The following EPHB2 variants were observed in gnomAD, a reference collection of about 807,000 sequenced individuals.
The protein encoded by EPHB2 is ephrin type-B receptor 2.
EPHB2 carries 18 observed loss-of-function variants against 96.4 expected under a neutral mutation model. The ratio of observed to expected loss-of-function variants is 0.19; its 90% CI spans 0.13 to 0.28. The LOEUF (loss-of-function observed/expected upper bound fraction) is 0.28. EPHB2 is among the 10% of genes least tolerant of loss of function. The pLI, the probability that EPHB2 is intolerant of heterozygous loss-of-function variation, is 1.00. For missense variants in EPHB2, 989 were observed against 1,355.4 expected (o/e 0.73, Z 4.25); for synonymous variants, 506 against 534.1 (o/e 0.95, Z 0.72).
intron 6 of EPHB2, among the ~76,000 whole-genome samples, chr1:22,887,954 C>CA (rs1639277376): frequency 6.6e-6 from 1 of 152,178 alleles, no homozygotes; most frequent in South Asian, 2.1e-4. Flanking sequence ...TTTGTCCACT[C>CA]ATTCATTCAC....
intron 5 of EPHB2, among the ~76,000 whole-genome samples, chr1:22,878,872 C>A (rs1034510807): frequency 6.6e-6 from 1 of 152,242 alleles, no homozygotes; most frequent in African/African-American, 2.4e-5. Flanking sequence ...CACCTGGCAG[C>A]AGCGCAATCC....
At chr1:22,797,001 C>T (rs1213692205) in intron 3 of EPHB2, among the ~76,000 whole-genome samples, 2 of 152,200 alleles carry the variant, frequency 1.3e-5, no homozygotes, top group Non-Finnish European at 2.9e-5. Context: ...ATCATTAGTA[C>T]ATTTTTTTCA....
intron 1 of EPHB2, among the ~76,000 whole-genome samples, chr1:22,740,593 C>T (rs1304121373): frequency 6.6e-6 from 1 of 152,216 alleles, no homozygotes; most frequent in Non-Finnish European, 1.5e-5. Context: ...CTGGGGGACA[C>T]CATGCCAGGC....
intron 1 of EPHB2, among the ~76,000 whole-genome samples, chr1:22,717,587 A>C (rs2148333449): frequency 6.6e-6 from 1 of 152,322 alleles, no homozygotes; most frequent in East Asian, 1.9e-4. Flanking sequence ...AAACTGGAGA[A>C]TACCGCGCAT....
chr1:22,756,033 T>A (rs1239522977), intron 1 of EPHB2, among the ~76,000 whole-genome samples: 1 of 152,056 alleles, frequency 6.6e-6, no homozygotes, highest in Non-Finnish European at 1.5e-5. Context: ...CACGCAGATG[T>A]TCACTACATG....
intron 3 of EPHB2, among the ~76,000 whole-genome samples, chr1:22,803,146 G>A (rs942309867): frequency 3.9e-5 from 6 of 152,130 alleles, no homozygotes; most frequent in Non-Finnish European, 8.8e-5. Flanking sequence ...GGTAGTTGTG[G>A]GGCTTCTAGG....
rs901058869 is a variant in EPHB2 at position 22,858,850 on chromosome 1, G to A, written c.812-4187G>A. ...TTCCTCAAATGTCAACTAAGGGGGT[G>A]GGGCTCGATCCCCTTCCAGCCCCTC... On this transcript the variant is annotated intron_variant, in intron 3 of 15. Coordinates refer to ENST00000374630, the MANE Select transcript of EPHB2 (RefSeq NM_017449.5). This position sits in a 1 kb window ranked among gnomAD's most constrained non-coding sequence, Gnocchi z 7.7. Among the ~76,000 whole-genome samples, 2 of 152,218 alleles carry A rather than the reference G, an allele frequency of 1.3e-5. No homozygotes were observed. Among genetic ancestry groups the A allele is most frequent in the African/African-American group, 4.8e-5 (2 of 41,458 alleles).
In EPHB2 at chr1:22,918,692, A is replaced by G. The variant is rs959875417; in HGVS notation, c.*5122A>G. The G allele has an allele frequency of 2.6e-5, 4 of 152,228 alleles. No individual in the cohort carries two copies. Among genetic ancestry groups the G allele is most frequent in the African/African-American group, 9.6e-5 (4 of 41,462 alleles). The allele number at this position is 152,228 out of a possible 1,614,324, so 9.4% of individuals were successfully genotyped here. A position where few individuals can be genotyped will look rare whatever the true frequency, so the allele number is the denominator to read the frequency against. On this transcript the variant is annotated 3_prime_UTR_variant, in exon 16 of 16. Transcript: ENST00000374630. This position sits in a 1 kb window ranked among gnomAD's most constrained non-coding sequence, Gnocchi z 4.2. ...GGTGGAGAATGGTCTTGCAGCTGCC[A>G]GTTTTTCCTTCAGAGAAACTAAGGT... is the stretch of plus-strand genomic sequence containing the variant.
chr1:22,739,455 A>G (rs1365977702), intron 1 of EPHB2, among the ~76,000 whole-genome samples: 1 of 152,132 alleles, frequency 6.6e-6, no homozygotes, highest in Non-Finnish European at 1.5e-5. Flanking sequence ...ACCTCAAGTG[A>G]TCCACCTGCC....
At chr1:22,789,202 G>A (rs953294839) in intron 3 of EPHB2, among the ~76,000 whole-genome samples, 3 of 152,178 alleles carry the variant, frequency 2.0e-5, no homozygotes, top group Non-Finnish European at 4.4e-5. Context: ...CACCACCCCA[G>A]GGATTGTCCT....
rs1161108035 is a variant in EPHB2, at chr1:22,906,935, G to A, written c.2114G>A (p.Gly705Asp). The change falls in exon 11 of 16, where the codon GGC (glycine) becomes GAC (aspartate). Residue 705 changes from glycine (G) to aspartate (D), a missense_variant. By Grantham distance (94) the Gly-to-Asp change is moderately conservative. Transcript: ENST00000374630. The surrounding 1 kb of genome is among the most constrained non-coding windows in gnomAD (Gnocchi z 4.8). ...ATCATCACCGAGTTCATGGAGAATGGCTCCCTGGACTCCTTTCTCCGGGTA... is the reference window on the plus strand; with the variant it reads ...ATCATCACCGAGTTCATGGAGAATGACTCCCTGGACTCCTTTCTCCGGGTA... ...VMIITEFMEN[G>D]SLDSFLRQND... 1 of 1,612,012 alleles carries A rather than the reference G, an allele frequency of 6.2e-7. No homozygotes were observed. The highest frequency in any genetic ancestry group is 1.3e-5 in the African/African-American group (1 of 74,874).
intron 1 of EPHB2, among the ~76,000 whole-genome samples, chr1:22,763,894 T>A (rs900717118): frequency 6.6e-6 from 1 of 152,150 alleles, no homozygotes; most frequent in Non-Finnish European, 1.5e-5. Flanking sequence ...CCAGAGCTTG[T>A]GGCTCCTTCA....
At chr1:22,911,143 AAAATAAATAAAT>A (rs59316223) in intron 14 of EPHB2, among the ~76,000 whole-genome samples, 48 of 133,778 alleles carry the variant, frequency 3.6e-4, no homozygotes, top group African/African-American at 1.2e-3. Flanking sequence ...TCCATCTAAA[AAAATAAATAAAT>A]AAATAAATAA....
chr1:22,791,465 TTC>T (rs1251516614), intron 3 of EPHB2, among the ~76,000 whole-genome samples: 1 of 137,958 alleles, frequency 7.2e-6, no homozygotes, highest in Non-Finnish European at 1.5e-5. Flanking sequence ...CTTTCTTTCT[TTC>T]TTTCTTTTTT....
intron 8 of EPHB2, 118 bp from the exon 9 acceptor site, chr1:22,896,296 G>A: frequency 1.6e-6 from 2 of 1,288,358 alleles, no homozygotes; most frequent in Non-Finnish European, 2.2e-6. Flanking sequence ...CAGGCAGGGA[G>A]CCCTCTGGCA....
chr1:22,831,792 T>C (rs536991302), intron 3 of EPHB2, among the ~76,000 whole-genome samples: 43 of 152,136 alleles, frequency 2.8e-4, no homozygotes, highest in African/African-American at 1.0e-3. Context: ...GTTGACACCC[T>C]CCCCTTGGGC....
chr1:22,803,515 G>T (rs111597211), intron 3 of EPHB2, among the ~76,000 whole-genome samples: 2,533 of 151,736 alleles, frequency 0.017, 95 homozygotes, highest in African/African-American at 0.057. Context: ...GCTGAGGTGG[G>T]AGGATCACTT....
chr1:22,821,129 A>G (rs1185554260), intron 3 of EPHB2, among the ~76,000 whole-genome samples: 5 of 152,184 alleles, frequency 3.3e-5, no homozygotes, highest in Non-Finnish European at 7.3e-5. Context: ...CATCGCATCC[A>G]CATTCCAGCC....
At chr1:22,800,446 T>G (rs950256615) in intron 3 of EPHB2, among the ~76,000 whole-genome samples, 2 of 151,956 alleles carry the variant, frequency 1.3e-5, no homozygotes, top group East Asian at 3.9e-4. Flanking sequence ...CACTCATGAG[T>G]GTGCTGGATC....
Sources: allele counts gnomAD v4.1 joint callset (sites outside exome capture counted in the v4.1 genomes callset), GRCh38; gene constraint gnomAD v4.1.1; non-coding constraint Gnocchi (gnomAD v3.1); transcripts MANE v1.5; gene names NCBI Gene and HGNC (gene_info 2026-07-23, HGNC 2026-07-21).